The following MAP3K15 variants were observed in gnomAD, a reference collection of about 807,000 sequenced individuals.
MAP3K15 encodes the protein mitogen-activated protein kinase kinase kinase 15.
A neutral mutation model predicts 99.5 loss-of-function variants in MAP3K15; 124 were observed. The observed-to-expected ratio is 1.25, with a 90% CI of 1.08 to 1.45. The LOEUF (loss-of-function observed/expected upper bound fraction) is 1.45, where lower values mean the gene tolerates loss of function less well. Ranked by LOEUF, MAP3K15 falls within the 40% of genes most tolerant of loss-of-function variation. The probability of loss-of-function intolerance (pLI) is 0.00; values close to 1 mark genes in which losing one functional copy is unlikely to be tolerated. For missense variants in MAP3K15, 1,242 were observed against 1,079.7 expected, an observed-to-expected ratio of 1.15 and a Z score of -2.11; for synonymous variants, 494 against 439.6, an observed-to-expected ratio of 1.12 and a Z score of -1.55.
chrX:19,417,887 T>A (rs950489092), intron 9 of MAP3K15, among the ~76,000 whole-genome samples: 2 of 111,690 alleles, frequency 1.8e-5, no homozygotes. Flanking sequence ...TGTTCACCAA[T>A]ATCCGCTGTT....
At chrX:19,406,290 C>T (rs1438791906) in intron 13 of MAP3K15, among the ~76,000 whole-genome samples, 1 of 112,436 alleles carries the variant, frequency 8.9e-6, no homozygotes, top group East Asian at 2.8e-4. Context: ...CAGGGAAGTA[C>T]AATTCATAAT....
chrX:19,390,651 A>T (rs999704496), intron 18 of MAP3K15, among the ~76,000 whole-genome samples: 8 of 106,278 alleles, frequency 7.5e-5, no homozygotes, highest in Non-Finnish European at 1.3e-4. Flanking sequence ...AGCTCAAGTG[A>T]GATCCTCCTG....
intron 1 of MAP3K15, among the ~76,000 whole-genome samples, chrX:19,504,955 CAA>C (rs778010766): frequency 3.9e-4 from 20 of 51,789 alleles, no homozygotes; most frequent in Admixed American, 5.4e-4. Flanking sequence ...GACCTCCTCT[CAA>C]AAAAAAAAAA....
intron 18 of MAP3K15, among the ~76,000 whole-genome samples, chrX:19,384,972 C>A (rs368706160): frequency 1.8e-5 from 2 of 110,732 alleles, no homozygotes; most frequent in South Asian, 3.8e-4. Flanking sequence ...AATAAATTTG[C>A]AGATTTTTAA....
intron 3 of MAP3K15, among the ~76,000 whole-genome samples, chrX:19,470,559 A>AG (rs397829681): frequency 6.4e-5 from 7 of 110,165 alleles, no homozygotes; most frequent in African/African-American, 2.3e-4. Context: ...AAAAAAAAAA[A>AG]GAAGTGACAT....
At chrX:19,414,816 G>A (rs1157784960) in intron 10 of MAP3K15, among the ~76,000 whole-genome samples, 1 of 111,638 alleles carries the variant, frequency 9.0e-6, no homozygotes, top group Non-Finnish European at 1.9e-5. Context: ...GATGCCAGTA[G>A]TGCCACCTTC....
At chrX:19,445,580 ACT>A (rs10554689) in intron 6 of MAP3K15, among the ~76,000 whole-genome samples, 5,586 of 90,465 alleles carry the variant, frequency 0.062, 528 homozygotes, top group African/African-American at 0.23. Flanking sequence ...ACAGAGTGAG[ACT>A]CTGTCTCAAA....
At chrX:19,376,763 A>G (rs1195388085) in intron 19 of MAP3K15, 2 of 110,853 alleles carry the variant, frequency 1.8e-5, no homozygotes, top group African/African-American at 6.6e-5. Flanking sequence ...CCCCCTTTTT[A>G]AAAGACACCA....
intron 7 of MAP3K15, among the ~76,000 whole-genome samples, chrX:19,426,818 CAAAAAAA>C (rs746106862): frequency 7.5e-3 from 159 of 21,153 alleles, no homozygotes; most frequent in Non-Finnish European, 0.011. Context: ...AATCTGTCTC[CAAAAAAA>C]AAAAAAAAAA....
chrX:19,494,093 A>G (rs7064186), intron 1 of MAP3K15, among the ~76,000 whole-genome samples: 13,981 of 110,227 alleles, frequency 0.13, 741 homozygotes, highest in Non-Finnish European at 0.15. Context: ...AAAAAAACAC[A>G]TATCATATAA....
At chrX:19,400,524 G>C in intron 14 of MAP3K15, 52 bp downstream of exon 14, 1 of 908,704 alleles carries the variant, frequency 1.1e-6, no homozygotes, top group Non-Finnish European at 1.6e-6. Context: ...TTTTCTTGAA[G>C]CATCGAACAC....
At chrX:19,476,445 T>C (rs989845018) in intron 3 of MAP3K15, among the ~76,000 whole-genome samples, 1 of 112,101 alleles carries the variant, frequency 8.9e-6, no homozygotes, top group South Asian at 3.7e-4. Flanking sequence ...TATTATTTCA[T>C]GTGACCAGGT....
intron 19 of MAP3K15, among the ~76,000 whole-genome samples, chrX:19,376,189 G>A (rs1468480146): frequency 9.0e-6 from 1 of 111,300 alleles, no homozygotes; most frequent in Non-Finnish European, 1.9e-5. Flanking sequence ...CCACAAACTG[G>A]GTGGCTGAAA....
chrX:19,376,354 C>A (rs1320234784), intron 19 of MAP3K15, among the ~76,000 whole-genome samples: 2 of 110,752 alleles, frequency 1.8e-5, no homozygotes, highest in African/African-American at 6.6e-5. Flanking sequence ...TCCTTGGCTC[C>A]TAGATGCACC....
At chrX:19,409,890 A>C (rs112469031) in intron 12 of MAP3K15, 34 bp downstream of exon 12, 40 of 1,081,735 alleles carry the variant, frequency 3.7e-5, no homozygotes, top group African/African-American at 3.1e-4. Flanking sequence ...CATTTGCATT[A>C]AAATAGTAAC....
rs1205958047 is a variant in MAP3K15, at chrX:19,398,301, C to T, written c.1991G>A (p.Gly664Glu). The T allele has an allele frequency of 2.5e-6, 3 of 1,208,777 alleles. No individual in the cohort carries two copies. The highest frequency in any genetic ancestry group is 2.2e-6 in the Non-Finnish European group (2 of 894,739). The change falls in exon 15 of 29, where the codon GGG (glycine) becomes GAG (glutamate). Residue 664 changes from glycine to glutamate, a missense_variant. Gly to Glu is a moderately conservative substitution (Grantham distance 98). Transcript: ENST00000338883. ...CAGATCTCGGCCAGCATACACAATCCCATACGTGCCTTTCCCCAAGACAAC... is the reference window on the plus strand; with the variant it reads ...CAGATCTCGGCCAGCATACACAATCTCATACGTGCCTTTCCCCAAGACAAC... ...ERVVLGKGTY[G>E]IVYAGRDLSN... is the part of the protein sequence containing the mutation.
intron 25 of MAP3K15, among the ~76,000 whole-genome samples, chrX:19,365,811 G>A (rs5909285): frequency 0.12 from 13,039 of 109,180 alleles, 809 homozygotes; most frequent in Middle Eastern, 0.25. Context: ...GTTTGAGACC[G>A]GCCTGGCCAA....
intron 9 of MAP3K15, among the ~76,000 whole-genome samples, chrX:19,420,095 C>T (rs2063770521): frequency 9.0e-6 from 1 of 111,490 alleles, no homozygotes; most frequent in African/African-American, 3.3e-5. Flanking sequence ...CAGGAAGATC[C>T]AAAATTGACA....
intron 12 of MAP3K15, among the ~76,000 whole-genome samples, chrX:19,407,650 G>C (rs1295595472): frequency 8.9e-6 from 1 of 112,475 alleles, no homozygotes; most frequent in Non-Finnish European, 1.9e-5. Context: ...GTGGTATTAA[G>C]GGAATTTCTA....
Sources: gnomAD v4.1 joint callset for allele counts (sites outside exome capture counted in the v4.1 genomes callset) on GRCh38, gnomAD v4.1.1 for gene constraint, MANE v1.5 for transcripts, NCBI Gene and HGNC (gene_info 2026-07-23, HGNC 2026-07-21) for gene names.